The following LHFPL3 variants were observed in gnomAD, a reference collection of about 807,000 sequenced individuals.
LHFPL3 encodes the protein LHFPL tetraspan subfamily member 3 protein.
LHFPL3 carries 5 observed loss-of-function variants against 19.3 expected under a neutral mutation model. That is an observed-to-expected ratio of 0.26 (90% CI 0.14 to 0.54). LHFPL3 has a LOEUF of 0.54. Among genes scored for constraint, LHFPL3 ranks in the 20% least tolerant of loss-of-function variants. LHFPL3 has a pLI of 0.94. For synonymous variants in LHFPL3, 133 were observed against 126.2 expected, an observed-to-expected ratio of 1.05 and a Z score of -0.36; for missense variants, 249 against 307.4, an observed-to-expected ratio of 0.81 and a Z score of 1.42.
intron 1 of LHFPL3, among the ~76,000 whole-genome samples, chr7:104,487,960 C>T (rs1441181286): frequency 1.3e-5 from 2 of 152,096 alleles, no homozygotes; most frequent in Non-Finnish European, 2.9e-5. Flanking sequence ...AAGAGAGGCT[C>T]CTTCTTGTAA....
chr7:104,571,640 C>T (rs1044929308), intron 1 of LHFPL3, among the ~76,000 whole-genome samples: 12 of 152,154 alleles, frequency 7.9e-5, no homozygotes, highest in African/African-American at 2.4e-4. Context: ...GAGACAAAAA[C>T]CTGCTTCCCT....
intron 2 of LHFPL3, among the ~76,000 whole-genome samples, chr7:104,884,285 G>A (rs931787348): frequency 4.0e-5 from 6 of 151,894 alleles, no homozygotes; most frequent in Non-Finnish European, 5.9e-5. Flanking sequence ...CTTCCACTTC[G>A]TTCTCTGTTT....
intron 1 of LHFPL3, among the ~76,000 whole-genome samples, chr7:104,526,706 G>A (rs1285362441): frequency 6.6e-6 from 1 of 152,178 alleles, no homozygotes; most frequent in Non-Finnish European, 1.5e-5. Flanking sequence ...AACAGCAAAG[G>A]CTAGGAAACA....
intron 1 of LHFPL3, among the ~76,000 whole-genome samples, chr7:104,606,282 G>C (rs1000847945): frequency 2.6e-5 from 4 of 152,206 alleles, no homozygotes; most frequent in South Asian, 4.1e-4. Flanking sequence ...CTTTGACAGA[G>C]AGCAGCGAGT....
chr7:104,850,115 C>G (rs1791388718), intron 2 of LHFPL3, among the ~76,000 whole-genome samples: 1 of 152,118 alleles, frequency 6.6e-6, no homozygotes, highest in Non-Finnish European at 1.5e-5. Flanking sequence ...CCAGCCTGAC[C>G]AACATGGAGA....
chr7:104,716,508 T>G (rs1421158991), intron 1 of LHFPL3, among the ~76,000 whole-genome samples: 1 of 152,228 alleles, frequency 6.6e-6, no homozygotes, highest in Non-Finnish European at 1.5e-5. Context: ...TACAAAATTC[T>G]GTTGAGTTTC....
intron 2 of LHFPL3, among the ~76,000 whole-genome samples, chr7:104,840,303 G>GT (rs1265549229): frequency 7.1e-4 from 55 of 77,898 alleles, no homozygotes; most frequent in African/African-American, 1.7e-3. Context: ...TTTCTTGTGG[G>GT]TTTTCTTTTT....
intron 1 of LHFPL3, among the ~76,000 whole-genome samples, chr7:104,719,415 A>G (rs1793446875): frequency 6.6e-6 from 1 of 152,230 alleles, no homozygotes; most frequent in Non-Finnish European, 1.5e-5. Context: ...TTCTTGTACA[A>G]GTGTGTATGG....
chr7:104,677,400 C>CCTATA (rs1792611947), intron 1 of LHFPL3, among the ~76,000 whole-genome samples: 1 of 151,874 alleles, frequency 6.6e-6, no homozygotes, highest in Non-Finnish European at 1.5e-5. Context: ...AAAAATGATC[C>CCTATA]CTATATAGTG....
At chr7:104,846,343 G>T (rs1791312337) in intron 2 of LHFPL3, among the ~76,000 whole-genome samples, 2 of 152,190 alleles carry the variant, frequency 1.3e-5, no homozygotes, top group Admixed American at 1.3e-4. Context: ...TGAAGTTTCT[G>T]TTGTGTGTTG....
chr7:104,497,809 A>G (rs1312422780), intron 1 of LHFPL3, among the ~76,000 whole-genome samples: 3 of 152,146 alleles, frequency 2.0e-5, no homozygotes, highest in Non-Finnish European at 2.9e-5. Flanking sequence ...GGCACCAGAT[A>G]CCTGGAGTGG....
intron 1 of LHFPL3, among the ~76,000 whole-genome samples, chr7:104,690,990 C>A (rs866343961): frequency 6.6e-6 from 1 of 152,278 alleles, no homozygotes; most frequent in African/African-American, 2.4e-5. Context: ...TGAATCACAG[C>A]GGAGGCCTCT....
At chr7:104,614,828 G>A (rs1372909002) in intron 1 of LHFPL3, among the ~76,000 whole-genome samples, 1 of 150,826 alleles carries the variant, frequency 6.6e-6, no homozygotes. Context: ...ACAGCTCACT[G>A]CAACCCCAAC....
At chr7:104,901,695 A>C (rs572542452) in intron 2 of LHFPL3, among the ~76,000 whole-genome samples, 1 of 152,038 alleles carries the variant, frequency 6.6e-6, no homozygotes, top group East Asian at 1.9e-4. Flanking sequence ...AACCTCCCAC[A>C]TAGCTGGGAC....
chr7:104,585,494 C>CACACACACAA (rs1790554529), intron 1 of LHFPL3, among the ~76,000 whole-genome samples: 1 of 150,334 alleles, frequency 6.7e-6, no homozygotes, highest in African/African-American at 2.4e-5. Context: ...CACACACACA[C>CACACACACAA]ACACACACAC....
chr7:104,461,254 T>C (rs1320164996), intron 1 of LHFPL3, among the ~76,000 whole-genome samples: 1 of 152,212 alleles, frequency 6.6e-6, no homozygotes, highest in African/African-American at 2.4e-5. Flanking sequence ...TGGGGGAAAC[T>C]GCCTCCATGA....
At chr7:104,577,479 C>T (rs1371755934) in intron 1 of LHFPL3, among the ~76,000 whole-genome samples, 1 of 152,106 alleles carries the variant, frequency 6.6e-6, no homozygotes, top group Non-Finnish European at 1.5e-5. Context: ...CGTATATATA[C>T]ACATACCTAT....
At chr7:104,375,107 G>C (rs973223870) in intron 1 of LHFPL3, among the ~76,000 whole-genome samples, 4 of 152,238 alleles carry the variant, frequency 2.6e-5, no homozygotes, top group African/African-American at 9.6e-5. Flanking sequence ...GGGAGGCCAA[G>C]GCGGGCGGAT....
At chr7:104,518,821 AG>A (rs1215496237) in intron 1 of LHFPL3, among the ~76,000 whole-genome samples, 11 of 150,724 alleles carry the variant, frequency 7.3e-5, no homozygotes, top group African/African-American at 2.7e-4. Context: ...ATAGATAGAT[AG>A]ATAGATAGAT....
Sources: gnomAD v4.1 joint callset for allele counts (sites outside exome capture counted in the v4.1 genomes callset) on GRCh38, gnomAD v4.1.1 for gene constraint, MANE v1.5 for transcripts, NCBI Gene and HGNC (gene_info 2026-07-23, HGNC 2026-07-21) for gene names.